The following IL18RAP variants were observed in gnomAD, a reference collection of about 807,000 sequenced individuals.
IL18RAP encodes the protein interleukin-18 receptor accessory protein.
In IL18RAP, 37 loss-of-function variants were observed where a neutral mutation model predicts 58.1. The ratio of observed to expected loss-of-function variants is 0.64; its 90% CI spans 0.49 to 0.84. IL18RAP has a LOEUF of 0.84. IL18RAP is among the 40% of genes least tolerant of loss of function. The pLI, the probability that IL18RAP is intolerant of heterozygous loss-of-function variation, is 0.00. For missense variants in IL18RAP, 667 were observed against 704.8 expected, an observed-to-expected ratio of 0.95 and a Z score of 0.61; for synonymous variants, 268 against 257.5, an observed-to-expected ratio of 1.04 and a Z score of -0.39.
In IL18RAP at chr2:102,437,240, G is replaced by A. The variant is rs1163649718; in HGVS notation, c.608G>A (p.Ser203Asn). The change falls in exon 4 of 10, where the codon AGC becomes AAC. Residue 203 changes from serine to asparagine, a missense_variant. By Grantham distance (46) the Ser-to-Asn change is conservative. Transcript: ENST00000687160. Reference protein sequence around the residue: ...KNGKLLSVERSNRIVVDEVYD... With the variant: ...KNGKLLSVERNNRIVVDEVYD... ...GGAAAACTCCTCTCTGTGGAAAGGAGCAACCGAATCGTAGTGGATGAAGTT... is the reference window on the plus strand; with the variant it reads ...GGAAAACTCCTCTCTGTGGAAAGGAACAACCGAATCGTAGTGGATGAAGTT... 9 of 1,612,456 alleles carry A rather than the reference G, an allele frequency of 5.6e-6. No individual in the cohort carries two copies. The highest frequency in any genetic ancestry group is 1.1e-5 in the South Asian group (1 of 90,622).
At chr2:102,438,314 A>T (rs536947242) in intron 4 of IL18RAP, among the ~76,000 whole-genome samples, 144 of 152,332 alleles carry the variant, frequency 9.5e-4, no homozygotes, top group Non-Finnish European at 1.7e-3. Flanking sequence ...AGAGTGGTTG[A>T]CGTAGCTGTT....
At chr2:102,442,715 T>G (rs1210505060) in intron 5 of IL18RAP, among the ~76,000 whole-genome samples, 1 of 151,780 alleles carries the variant, frequency 6.6e-6, no homozygotes, top group East Asian at 1.9e-4. Context: ...CATAGTGAAT[T>G]GTTCAGAAAA....
At chr2:102,430,528 G>A (rs938599998) in intron 3 of IL18RAP, among the ~76,000 whole-genome samples, 1 of 151,948 alleles carries the variant, frequency 6.6e-6, no homozygotes, top group Non-Finnish European at 1.5e-5. Context: ...TAAATGGTTT[G>A]ATTAATCCAT....
Position 102,424,295 on chromosome 2 carries a change from T to C in IL18RAP, c.460T>C (p.Ser154Pro). The C allele has an allele frequency of 6.2e-7, 1 of 1,614,100 alleles. No individual in the cohort carries two copies. The highest frequency in any genetic ancestry group is 8.5e-7 in the Non-Finnish European group (1 of 1,179,954). ...ILEVKPQTNA[S>P]CEYSASHKQD... ...AGAAGTTAAGCCCCAGACAAATGCA[T>C]CCTGTGAGTATTCCGCATCACATAA... Residue 154 changes from serine to proline, a missense_variant, in exon 3 of 10, where the codon TCC becomes CCC. By Grantham distance (74) the Ser-to-Pro change is moderately conservative. Transcript: ENST00000687160.
chr2:102,443,739 A>C lies in IL18RAP; in HGVS notation c.920+416A>C, dbSNP rs11465712. 2.5e-3 allele frequency among the ~76,000 whole-genome samples: 376 copies of C among 152,296 alleles called. 1 individual carries two copies. The highest frequency in any genetic ancestry group is 8.9e-3 in the African/African-American group (368 of 41,550). ...GAAAACCTCCAGGGGAAATGGCATC[A>C]TAATAATAAGTCTGACAAAAAATAT... On this transcript the variant is annotated intron_variant, in intron 6 of 9. Transcript: ENST00000687160.
chr2:102,443,448 C>A, intron 6 of IL18RAP, 125 bp downstream of exon 6: 2 of 1,076,512 alleles, frequency 1.9e-6, no homozygotes, highest in Non-Finnish European at 1.3e-6. Flanking sequence ...AAAATAAAAG[C>A]ACAAAAATGC....
intron 5 of IL18RAP, among the ~76,000 whole-genome samples, chr2:102,442,022 T>C (rs1180463994): frequency 5.3e-5 from 8 of 152,202 alleles, no homozygotes; most frequent in Admixed American, 5.2e-4. Context: ...GTTGGTTAGG[T>C]CTATCAGTTA....
chr2:102,435,098 T>C (rs4851582), intron 3 of IL18RAP: 36,620 of 152,020 alleles, frequency 0.24, 4,843 homozygotes, highest in East Asian at 0.4. Flanking sequence ...AAGAGCAACA[T>C]AGACAACAGA....
chr2:102,420,074 G>A (rs141872515), upstream of IL18RAP, among the ~76,000 whole-genome samples: 1 of 152,270 alleles, frequency 6.6e-6, no homozygotes, highest in East Asian at 1.9e-4. Context: ...ACATTAGATG[G>A]CCTTCAAAAG....
At chr2:102,422,355 C>A (rs145698141), upstream of IL18RAP, among the ~76,000 whole-genome samples, 1 of 152,308 alleles carries the variant, frequency 6.6e-6, no homozygotes, top group East Asian at 1.9e-4. Context: ...TTAGCCCTGG[C>A]CTACTTTTAA....
chr2:102,424,055 T>G lies in IL18RAP; in HGVS notation c.315T>G (p.Ile105Met). ...TTAGGAAAAGCTATCCTCACATCAT[T>G]CAGGACAAATGTACCCTTCACTTTT... ...EDIRKSYPHI[I>M]QDKCTLHFLT... is the part of the protein sequence containing the mutation. Residue 105 changes from isoleucine to methionine, a missense_variant, in exon 2 of 10, where the codon ATT becomes ATG. Coordinates refer to ENST00000687160, the MANE Select transcript of IL18RAP (RefSeq NM_001393487.1). 6.2e-7 allele frequency: 1 copy of G among 1,614,090 alleles called. No homozygotes were observed. Among genetic ancestry groups the G allele is most frequent in the Non-Finnish European group, 8.5e-7 (1 of 1,179,988 alleles).
Position 102,451,700 on chromosome 2 carries a change from G to C in IL18RAP, c.1385-66G>C, listed in dbSNP as rs558106898. 45 of 1,350,740 alleles carry C rather than the reference G, an allele frequency of 3.3e-5. No individual in the cohort carries two copies. The African/African-American group carries it at 6.2e-4, about 19-fold the overall frequency. The allele number at this position is 1,350,740 out of a possible 1,614,324, so 83.7% of individuals were successfully genotyped here. On this transcript the variant is annotated intron_variant, in intron 9 of 9. Transcript: ENST00000687160. ...TCCTCCTTATGTAAGAGAATCCATT[G>C]CAAGGACCTCTCTGACTCAAGGTTT...
intron 8 of IL18RAP, 87 bp from the exon 9 acceptor site, chr2:102,450,761 C>T: frequency 7.4e-6 from 5 of 677,130 alleles, no homozygotes; most frequent in East Asian, 3.0e-5. Context: ...ATTCATTTAC[C>T]ATATGATTCA....
chr2:102,423,961 T>C lies in IL18RAP; in HGVS notation c.221T>C (p.Met74Thr), dbSNP rs2104291996. Residue 74 changes from methionine to threonine, a missense_variant, in exon 2 of 10, where the codon ATG becomes ACG. Met to Thr is a moderately conservative substitution (Grantham distance 81). Transcript: ENST00000687160. ...CAAGTCCCTGAGCACCTGCCCTTCA[T>C]GGGTAGTAACGACCTATCTGATGTC... Reference protein sequence around the residue: ...PKQVPEHLPFMGSNDLSDVQW... With the variant: ...PKQVPEHLPFTGSNDLSDVQW... 1 of 1,614,064 alleles carries C rather than the reference T, an allele frequency of 6.2e-7. No homozygotes were observed. Among genetic ancestry groups the C allele is most frequent in the Non-Finnish European group, 8.5e-7 (1 of 1,180,008 alleles).
chr2:102,424,160 T>C, intron 2 of IL18RAP, 25 bp downstream of exon 2: 1 of 1,606,430 alleles, frequency 6.2e-7, no homozygotes, highest in Non-Finnish European at 8.5e-7. Context: ...CATTTCTATC[T>C]GAAAACATTT....
At chr2:102,450,701 G>T (rs1440595241) in intron 8 of IL18RAP, 147 bp from the exon 9 acceptor site, 3 of 491,908 alleles carry the variant, frequency 6.1e-6, no homozygotes, top group Non-Finnish European at 1.0e-5. Context: ...GTATGATTTT[G>T]AAATGAATTT....
rs1384212241 is a variant in IL18RAP at position 102,443,125 on chromosome 2, C to T, written c.797-75C>T. 1.7e-5 allele frequency: 25 copies of T among 1,447,902 alleles called. 1 individual carries two copies. Among genetic ancestry groups the T allele is most frequent in the Middle Eastern group, 3.6e-4 (2 of 5,548 alleles). The allele number at this position is 1,447,902 out of a possible 1,614,324, so 89.7% of individuals were successfully genotyped here. A position where few individuals can be genotyped will look rare whatever the true frequency, so the allele number is the denominator to read the frequency against. ...TGCATCAGGAGACAGCTTCTGGCGA[C>T]GTCTTCCTCCCAGATGTAGGACAAA... On this transcript the variant is annotated intron_variant, in intron 5 of 9. Transcript: ENST00000687160.
At chr2:102,451,520 G>C (rs1683765386) in intron 9 of IL18RAP, among the ~76,000 whole-genome samples, 1 of 152,224 alleles carries the variant, frequency 6.6e-6, no homozygotes. Flanking sequence ...AGCTTACCTA[G>C]TTCCAGTCAG....
intron 4 of IL18RAP, among the ~76,000 whole-genome samples, chr2:102,441,087 T>C (rs1683075766): frequency 6.6e-6 from 1 of 152,184 alleles, no homozygotes; most frequent in South Asian, 2.1e-4. Context: ...TATGGATCAA[T>C]TAACAACTAA....
Sources: allele counts gnomAD v4.1 joint callset (sites outside exome capture counted in the v4.1 genomes callset), GRCh38; gene constraint gnomAD v4.1.1; transcripts MANE v1.5; gene names NCBI Gene and HGNC (gene_info 2026-07-23, HGNC 2026-07-21).